Variants in CDH12 observed in about 807,000 individuals in gnomAD.
CDH12 encodes the protein cadherin 12.
A neutral mutation model predicts 74.1 loss-of-function variants in CDH12; 41 were observed. That is an observed-to-expected ratio of 0.55 (90% CI 0.43 to 0.72). CDH12 has a LOEUF of 0.72. Among genes scored for constraint, CDH12 ranks in the 30% least tolerant of loss-of-function variants. The pLI, the probability that CDH12 is intolerant of heterozygous loss-of-function variation, is 0.00. For synonymous variants in CDH12, 399 were observed against 355.0 expected (o/e 1.12, Z -1.39); for missense variants, 945 against 977.2 (o/e 0.97, Z 0.44).
At chr5:21,809,882 T>A (rs1470830162) in intron 9 of CDH12, among the ~76,000 whole-genome samples, 1 of 152,206 alleles carries the variant, frequency 6.6e-6, no homozygotes, top group East Asian at 1.9e-4. Flanking sequence ...TTGACAGAAA[T>A]GTTGACATTT....
At chr5:21,839,784 A>T (rs1749740006) in intron 8 of CDH12, among the ~76,000 whole-genome samples, 1 of 152,118 alleles carries the variant, frequency 6.6e-6, no homozygotes, top group African/African-American at 2.4e-5. Flanking sequence ...CTGCCTAGTG[A>T]CTTAATTAAG....
At chr5:22,559,473 T>A (rs1371520610) in intron 1 of CDH12, among the ~76,000 whole-genome samples, 1 of 152,086 alleles carries the variant, frequency 6.6e-6, no homozygotes, top group Non-Finnish European at 1.5e-5. Context: ...CACCAACATA[T>A]GCACATTTTC....
At chr5:22,081,958 C>T (rs1174099552) in intron 4 of CDH12, among the ~76,000 whole-genome samples, 1 of 152,148 alleles carries the variant, frequency 6.6e-6, no homozygotes, top group Non-Finnish European at 1.5e-5. Flanking sequence ...GTGCAGTAGT[C>T]CCCATTTATA....
intron 2 of CDH12, among the ~76,000 whole-genome samples, chr5:22,483,752 A>ATATATATATATATATAAATT (rs1301207179): frequency 1.2e-5 from 1 of 82,284 alleles, no homozygotes; most frequent in East Asian, 3.1e-4. Flanking sequence ...TCAAAACTAT[A>ATATATATATATATATAAATT]TATATATATA....
chr5:22,426,986 T>C (rs1743965763), intron 2 of CDH12, among the ~76,000 whole-genome samples: 1 of 152,050 alleles, frequency 6.6e-6, no homozygotes, highest in Non-Finnish European at 1.5e-5. Context: ...TCTCTTTTTC[T>C]CTTCCACACC....
At chr5:22,033,978 C>A (rs938038359) in intron 5 of CDH12, among the ~76,000 whole-genome samples, 1 of 152,150 alleles carries the variant, frequency 6.6e-6, no homozygotes, top group Non-Finnish European at 1.5e-5. Context: ...TGTTTTCTTC[C>A]TGTCTGGCAC....
chr5:21,857,537 A>T (rs1031935579), intron 6 of CDH12, among the ~76,000 whole-genome samples: 29 of 152,018 alleles, frequency 1.9e-4, no homozygotes, highest in Admixed American at 1.7e-3. Context: ...GTTATTTTAT[A>T]GTAATAACTA....
At chr5:22,397,300 G>A (rs1158133796) in intron 3 of CDH12, among the ~76,000 whole-genome samples, 1 of 152,022 alleles carries the variant, frequency 6.6e-6, no homozygotes, top group African/African-American at 2.4e-5. Context: ...AGAGCAACAA[G>A]ATGAAAAAGA....
Position 22,327,100 on chromosome 5 carries a change from G to A in CDH12, c.-333+78157C>T, listed in dbSNP as rs182511884. 3.4e-4 allele frequency among the ~76,000 whole-genome samples: 51 copies of A among 152,122 alleles called. No individual in the cohort carries two copies. In the East Asian group the frequency reaches 4.8e-3, roughly 14 times the overall value. ...AGGACATAGTTCTTTTAAAGGGCAC[G>A]AGGGTGCAGAAAAACTTTTTTCTGC... is the stretch of plus-strand genomic sequence containing the variant. On this transcript the variant is annotated intron_variant, in intron 3 of 14. Coordinates refer to ENST00000382254, the MANE Select transcript of CDH12 (RefSeq NM_004061.5).
Position 21,907,756 on chromosome 5 carries a change from G to C in CDH12, c.527-52966C>G, listed in dbSNP as rs115296061. On this transcript the variant is annotated intron_variant, in intron 6 of 14. Coordinates refer to ENST00000382254, the MANE Select transcript of CDH12 (RefSeq NM_004061.5). The stretch of plus-strand genomic sequence containing the variant: ...CTTGGAATTTCATTTTTACATTTTA[G>C]TAGCAGAATCCAGTGTCTCTCCCTT... Among the ~76,000 whole-genome samples, 932 of 152,266 alleles carry C rather than the reference G, an allele frequency of 6.1e-3. 8 individuals carry two copies. The highest frequency in any genetic ancestry group is 0.021 in the African/African-American group (891 of 41,568).
chr5:22,744,389 A>G (rs867467030), intron 1 of CDH12, among the ~76,000 whole-genome samples: 1 of 151,994 alleles, frequency 6.6e-6, no homozygotes, highest in East Asian at 1.9e-4. Context: ...AGATTGCGCC[A>G]CTGCACTCCA....
chr5:22,149,410 G>C (rs999816364), intron 4 of CDH12, among the ~76,000 whole-genome samples: 11 of 152,132 alleles, frequency 7.2e-5, no homozygotes, highest in Admixed American at 2.0e-4. Context: ...TTACCGTAAT[G>C]CTTCAATTTA....
chr5:22,396,892 T>C (rs750230773), intron 3 of CDH12, among the ~76,000 whole-genome samples: 2 of 152,130 alleles, frequency 1.3e-5, no homozygotes, highest in Admixed American at 6.6e-5. Flanking sequence ...ATATGCCCAA[T>C]AGCTTTTTTC....
chr5:22,004,329 C>T (rs989703851), intron 5 of CDH12, among the ~76,000 whole-genome samples: 3 of 152,132 alleles, frequency 2.0e-5, no homozygotes, highest in Non-Finnish European at 4.4e-5. Flanking sequence ...CACTGAACCC[C>T]ACTGGAGAAA....
At chr5:22,557,445 A>C (rs1003694852) in intron 1 of CDH12, among the ~76,000 whole-genome samples, 2 of 152,096 alleles carry the variant, frequency 1.3e-5, no homozygotes, top group Non-Finnish European at 2.9e-5. Context: ...CAGGTGACCA[A>C]ACAAGGGAAA....
At position 22,692,282 on chromosome 5, in the gene CDH12, G is replaced by A. The variant is rs1196682733; in HGVS notation, c.-523+160776C>T. On this transcript the variant is annotated intron_variant, in intron 1 of 14. Coordinates refer to ENST00000382254, the MANE Select transcript of CDH12 (RefSeq NM_004061.5). ...CCGGGCTTCTCATACAGGCTACAGA[G>A]CTATGAGCCAAGTAAACTTCTTTTT... Among the ~76,000 whole-genome samples, 6 of 152,130 alleles carry A rather than the reference G, an allele frequency of 3.9e-5. No homozygotes were observed. In the South Asian group the frequency reaches 1.0e-3, roughly 26 times the overall value.
At chr5:22,805,730 G>C (rs1400575731) in intron 1 of CDH12, among the ~76,000 whole-genome samples, 1 of 152,000 alleles carries the variant, frequency 6.6e-6, no homozygotes, top group African/African-American at 2.4e-5. Context: ...ACATAGGTAT[G>C]CACGTGCCAT....
intron 1 of CDH12, among the ~76,000 whole-genome samples, chr5:22,749,296 G>T (rs1349380198): frequency 6.6e-6 from 1 of 152,200 alleles, no homozygotes; most frequent in African/African-American, 2.4e-5. Flanking sequence ...AGTCTGAAAG[G>T]GACATATGGT....
intron 4 of CDH12, among the ~76,000 whole-genome samples, chr5:22,090,798 C>A (rs1168198984): frequency 2.0e-5 from 3 of 151,898 alleles, no homozygotes; most frequent in Non-Finnish European, 2.9e-5. Flanking sequence ...ATGTAATACC[C>A]ATGTCAATAG....
Sources: gnomAD v4.1 joint callset for allele counts (sites outside exome capture counted in the v4.1 genomes callset) on GRCh38, gnomAD v4.1.1 for gene constraint, MANE v1.5 for transcripts, NCBI Gene and HGNC (gene_info 2026-07-23, HGNC 2026-07-21) for gene names.